The following MLH3 variants were observed in gnomAD, a reference collection of about 807,000 sequenced individuals.
The protein encoded by MLH3 is mutL homolog 3, also known as DNA mismatch repair protein Mlh3.
Under a neutral mutation model 122.2 loss-of-function variants are expected in MLH3, and 82 were observed. The ratio of observed to expected loss-of-function variants is 0.67; its 90% CI spans 0.56 to 0.81. The LOEUF (loss-of-function observed/expected upper bound fraction) is 0.81, where lower values mean the gene tolerates loss of function less well. MLH3 is among the 30% of genes least tolerant of loss of function. The probability of loss-of-function intolerance (pLI) is 0.00; values close to 1 mark genes in which losing one functional copy is unlikely to be tolerated. For missense variants in MLH3, 1,539 were observed against 1,714.5 expected (o/e 0.90, Z 1.81); for synonymous variants, 524 against 599.5 (o/e 0.87, Z 1.84).
In MLH3 at chr14:75,048,547, C is replaced by T. The variant is rs575329147; in HGVS notation, c.1109G>A (p.Gly370Asp). ...AAGAGTAGCATCAAATAAACTAAAA[C>T]CATTATCTTCACTAAATTCCTTAAT... ...EDIKEFSEDN[G>D]FSLFDATLQK... Residue 370 changes from glycine to aspartate, a missense_variant, in exon 2 of 13, where the codon GGT (glycine) becomes GAT (aspartate). Coordinates refer to ENST00000355774, the MANE Select transcript of MLH3 (RefSeq NM_001040108.2). 1.9e-5 allele frequency: 30 copies of T among 1,613,212 alleles called. No individual in the cohort carries two copies. In the South Asian group the frequency reaches 3.1e-4, roughly 17 times the overall value.
At chr14:75,036,745 A>G (rs1305839012) in intron 6 of MLH3, 6 of 456,010 alleles carry the variant, frequency 1.3e-5, no homozygotes, top group Non-Finnish European at 2.6e-5. Flanking sequence ...CAACTCAGCT[A>G]TGGAGGCCAG....
At chr14:75,042,608 T>C (rs776513151) in intron 2 of MLH3, 131 bp from the exon 3 acceptor site, 48 of 689,590 alleles carry the variant, frequency 7.0e-5, no homozygotes, top group South Asian at 5.6e-4. Flanking sequence ...AAACACTAGA[T>C]TGAGAATCAG....
Position 75,046,954 on chromosome 14 carries a change from TTTGGAAGTTCA to T in MLH3, c.2691_2701del (p.Asn897LysfsTer6), listed in dbSNP as rs1892277908. 6.2e-7 allele frequency: 1 copy of T among 1,614,058 alleles called. No individual in the cohort carries two copies. The highest frequency in any genetic ancestry group is 1.7e-5 in the Admixed American group (1 of 60,004). ...GCTGTCTTTCCTACTGGAATCTGAA[TTTGGAAGTTCA>T]TTAAAACGACTCATCATCCCCATTG... is the stretch of plus-strand genomic sequence containing the variant. On this transcript the variant is annotated frameshift_variant, in exon 2 of 13. Coordinates refer to ENST00000355774, the MANE Select transcript of MLH3 (RefSeq NM_001040108.2). LOFTEE classifies it high-confidence loss of function.
At chr14:75,029,299 A>G (rs1356398914) in intron 9 of MLH3, among the ~76,000 whole-genome samples, 1 of 152,186 alleles carries the variant, frequency 6.6e-6, no homozygotes, top group Admixed American at 6.5e-5. Context: ...AGGAGGAAGA[A>G]GAGGAAAGGT....
At position 75,029,006 on chromosome 14, in the gene MLH3, G is replaced by A. The variant is rs1221558591; in HGVS notation, c.3987+1537C>T. On this transcript the variant is annotated intron_variant, in intron 9 of 12. Coordinates refer to ENST00000355774, the MANE Select transcript of MLH3 (RefSeq NM_001040108.2). ...TCTACTAAAAATACAAAAATTAGCC[G>A]GGGCATGGTGGTGTGCGCCTGTAAT... Among the ~76,000 whole-genome samples, 8 of 150,750 alleles carry A rather than the reference G, an allele frequency of 5.3e-5. No homozygotes were observed. In the South Asian group the frequency reaches 6.3e-4, roughly 12 times the overall value.
At chr14:75,046,284 G>T in intron 2 of MLH3, 92 bp downstream of exon 2, 2 of 1,292,600 alleles carry the variant, frequency 1.5e-6, no homozygotes, top group Non-Finnish European at 1.1e-6. Context: ...TCTATCTGTT[G>T]AGATAATCTC....
rs765140681 is a variant in MLH3, at chr14:75,046,641, T to C, written c.3015A>G (p.Leu1005=). The change falls in exon 2 of 13, where the codon TTA becomes TTG. Residue 1005 remains leucine (L), a synonymous_variant. Transcript: ENST00000355774. ...IGSLDSPSGM[L]MNPVEDATGD... is the part of the protein sequence containing the mutation. ...CTGTGGCATCTTCTACCGGATTCATTAACATTCCACTGGGAGAGTCAAGAC... is the reference window on the plus strand; with the variant it reads ...CTGTGGCATCTTCTACCGGATTCATCAACATTCCACTGGGAGAGTCAAGAC... The C allele has an allele frequency of 3.1e-6, 5 of 1,614,110 alleles. No homozygotes were observed. In the African/African-American group the frequency reaches 6.7e-5, roughly 22 times the overall value.
chr14:75,027,452 G>A lies in MLH3; in HGVS notation c.3987+3091C>T, dbSNP rs572608200. On this transcript the variant is annotated intron_variant, in intron 9 of 12. Coordinates refer to ENST00000355774, the MANE Select transcript of MLH3 (RefSeq NM_001040108.2). Reference sequence around the variant, plus strand: ...TTTTTGTATTTTTGGTAGAGACAGGGTTTCACCACGTTGGCCAGGCTGGTC... The same window carrying A: ...TTTTTGTATTTTTGGTAGAGACAGGATTTCACCACGTTGGCCAGGCTGGTC... 2.0e-5 allele frequency among the ~76,000 whole-genome samples: 3 copies of A among 151,804 alleles called. No homozygotes were observed. The East Asian group carries it at 5.8e-4, about 30-fold the overall frequency.
rs769773711 is a variant in MLH3 at position 75,047,886 on chromosome 14, A to C, written c.1770T>G (p.Cys590Trp). Residue 590 changes from cysteine (C) to tryptophan (W), a missense_variant, in exon 2 of 13, where the codon TGT becomes TGG. Coordinates refer to ENST00000355774, the MANE Select transcript of MLH3 (RefSeq NM_001040108.2). ...EKEKKKESSN[C>W]GRRNVFSYGR... is the part of the protein sequence containing the mutation. ...CATAACTAAAAACATTTCTTCTTCC[A>C]CAATTGCTAGATTCTTTTTTTTTCT... 6.2e-7 allele frequency: 1 copy of C among 1,613,340 alleles called. No individual in the cohort carries two copies. The highest frequency in any genetic ancestry group is 1.7e-5 in the Admixed American group (1 of 59,860).
intron 10 of MLH3, 37 bp downstream of exon 10, chr14:75,022,958 C>T (rs1389607951): frequency 5.0e-6 from 8 of 1,613,828 alleles, no homozygotes; most frequent in Non-Finnish European, 6.8e-6. Flanking sequence ...ATGTGTGGTG[C>T]TTCTGTGTGA....
rs1236571763 is a variant in MLH3, at chr14:75,016,138, C to T, written c.*944G>A. ...CATTTGCAGAACGATCAGTCCTGGT[C>T]CCAAGTGATATTATAAGGGCAATAG... On this transcript the variant is annotated 3_prime_UTR_variant, in exon 13 of 13. Transcript: ENST00000355774. The T allele has an allele frequency of 4.5e-6, 1 of 223,278 alleles. No homozygotes were observed. Among genetic ancestry groups the T allele is most frequent in the African/African-American group, 2.2e-5 (1 of 44,708 alleles). 13.8% of individuals were successfully genotyped at this position (223,278 alleles called of 1,614,324 possible).
In MLH3 at chr14:75,041,691, T is replaced by C. The variant is rs1891868618; in HGVS notation, c.3389A>G (p.Asp1130Gly). The change falls in exon 4 of 13, where the codon GAT (aspartate) becomes GGT (glycine). Residue 1130 changes from aspartate to glycine, a missense_variant. Physicochemically the swap from Asp to Gly is moderately conservative, Grantham distance 94. Transcript: ENST00000355774. ...VMRQDNRDTV[D>G]DTVSSESLQS... ...AAGCGATTCGCTACTAACAGTATCA[T>C]CCACAGTATCTAGGGCAAAAGGGAA... The C allele has an allele frequency of 1.1e-5, 18 of 1,613,228 alleles. No homozygotes were observed. Among genetic ancestry groups the C allele is most frequent in the Non-Finnish European group, 1.4e-5 (17 of 1,179,200 alleles).
At chr14:75,039,023 A>G (rs559073795) in intron 5 of MLH3, among the ~76,000 whole-genome samples, 9 of 151,918 alleles carry the variant, frequency 5.9e-5, no homozygotes, top group Non-Finnish European at 1.2e-4. Context: ...ACGCCCAGCT[A>G]ATTTTTTGTA....
chr14:75,033,423 G>A lies in MLH3; in HGVS notation c.3711C>T (p.Ile1237=). 6.2e-7 allele frequency: 1 copy of A among 1,613,972 alleles called. No homozygotes were observed. Among genetic ancestry groups the A allele is most frequent in the Non-Finnish European group, 8.5e-7 (1 of 1,179,934 alleles). The change falls in exon 7 of 13, where the codon ATC becomes ATT. Residue 1237 remains isoleucine, a synonymous_variant. Coordinates refer to ENST00000355774, the MANE Select transcript of MLH3 (RefSeq NM_001040108.2). The stretch of plus-strand genomic sequence containing the variant: ...TGGCTGCAAACAGATCCTTACCAAT[G>A]ATAAGCTGCTCCAGACGTATACGCT... The part of the protein sequence containing the change: ...AHERIRLEQL[I]IDSYEKQQAQ...
chr14:75,022,934 C>G (rs1192104797), intron 10 of MLH3, 42 bp from the exon 11 acceptor site: 3 of 1,613,484 alleles, frequency 1.9e-6, no homozygotes, highest in African/African-American at 2.7e-5. Flanking sequence ...GAAAACGGAA[C>G]AACGAAGCCT....
chr14:75,045,171 AC>A (rs1221753511), intron 2 of MLH3, among the ~76,000 whole-genome samples: 2 of 152,168 alleles, frequency 1.3e-5, no homozygotes, highest in Non-Finnish European at 2.9e-5. Context: ...CTCTACAAAA[AC>A]ACAAAAAATT....
chr14:75,032,162 G>T lies in MLH3; in HGVS notation c.3733C>A (p.Gln1245Lys). 1 of 1,610,838 alleles carries T rather than the reference G, an allele frequency of 6.2e-7. No individual in the cohort carries two copies. The highest frequency in any genetic ancestry group is 8.5e-7 in the Non-Finnish European group (1 of 1,177,036). ...TTTTTCCGACCAGAGCCTTGTGCCT[G>T]TTGCTTCTCGTAGGAATCTATTGGC... ...QLIIDSYEKQQAQGSGRKKLL... is the reference protein window; with the variant it reads ...QLIIDSYEKQKAQGSGRKKLL... Residue 1245 changes from glutamine (Q) to lysine (K), a missense_variant, in exon 8 of 13, where the codon CAG becomes AAG. Gln to Lys is a moderately conservative substitution (Grantham distance 53). Transcript: ENST00000355774.
At position 75,023,141 on chromosome 14, in the gene MLH3, A is replaced by G. The variant is rs1595034671; in HGVS notation, c.3988-123T>C. On this transcript the variant is annotated intron_variant, in intron 9 of 12. Transcript: ENST00000355774. ...CCTCCTGAAAGAAAGAGTTCCAGCA[A>G]TACAGCACTTGGGTACAAATTTATT... The G allele has an allele frequency of 4.6e-6, 5 of 1,080,778 alleles. No individual in the cohort carries two copies. The East Asian group carries it at 9.4e-5, about 20-fold the overall frequency. 66.9% of individuals were successfully genotyped at this position (1,080,778 alleles called of 1,614,324 possible).
chr14:75,049,857 C>T, intron 1 of MLH3, 139 bp from the exon 2 acceptor site: 2 of 637,568 alleles, frequency 3.1e-6, no homozygotes, highest in South Asian at 1.9e-5. Flanking sequence ...AGTTATACCG[C>T]TGATCTCTAG....
Sources: allele counts gnomAD v4.1 joint callset (sites outside exome capture counted in the v4.1 genomes callset), GRCh38; gene constraint gnomAD v4.1.1; transcripts MANE v1.5; gene names NCBI Gene and HGNC (gene_info 2026-07-23, HGNC 2026-07-21).